Variants in AKR1C8 observed in about 807,000 individuals in gnomAD.
The protein encoded by AKR1C8 is aldo-keto reductase family 1 member C8, also known as aldo-keto reductase family 1 member C-like protein 1.
At chr10:5,135,216 T>G in the AKR1C8 span, 9 of 223,230 alleles carry the variant, frequency 4.0e-5, no homozygotes, top group South Asian at 1.7e-4. Context: ...ACACTGATAT[T>G]TGGGATCCAT....
At chr10:5,137,236 T>A in the AKR1C8 span, among the ~76,000 whole-genome samples, 1 of 152,042 alleles carries the variant, frequency 6.6e-6, no homozygotes, top group Non-Finnish European at 1.5e-5. Flanking sequence ...CCCAGCGTGA[T>A]TGATGCAGAA....
At chr10:5,157,602 G>T in the AKR1C8 span, 3 of 460,420 alleles carry the variant, frequency 6.5e-6, no homozygotes, top group African/African-American at 4.0e-5. Flanking sequence ...AGCACCCATG[G>T]CTCACTCTGG....
the AKR1C8 span, among the ~76,000 whole-genome samples, chr10:5,145,062 TGA>T: frequency 6.6e-6 from 1 of 151,990 alleles, no homozygotes; most frequent in East Asian, 1.9e-4. Flanking sequence ...CCTAATTTAT[TGA>T]GAGTTTTTAG....
chr10:5,154,305 G>T, the AKR1C8 span: 1 of 399,914 alleles, frequency 2.5e-6, no homozygotes. Context: ...TTGTACCTCG[G>T]CACACATGGT....
At chr10:5,169,589 GTTTTT>G in the AKR1C8 span, among the ~76,000 whole-genome samples, 1 of 145,986 alleles carries the variant, frequency 6.8e-6, no homozygotes, top group Non-Finnish European at 1.5e-5. Flanking sequence ...AAAGATCCAT[GTTTTT>G]TTTTTTATTG....
the AKR1C8 span, among the ~76,000 whole-genome samples, chr10:5,131,724 C>T: frequency 6.6e-6 from 1 of 150,512 alleles, no homozygotes; most frequent in Admixed American, 6.6e-5. Flanking sequence ...GAAAAGAGAA[C>T]ACTTTTACAT....
At chr10:5,136,347 A>T in the AKR1C8 span, among the ~76,000 whole-genome samples, 1 of 152,126 alleles carries the variant, frequency 6.6e-6, no homozygotes, top group African/African-American at 2.4e-5. Context: ...CCAGTGTTCA[A>T]GACCAGCCTG....
the AKR1C8 span, among the ~76,000 whole-genome samples, chr10:5,171,672 A>C: frequency 6.6e-6 from 1 of 152,060 alleles, no homozygotes; most frequent in African/African-American, 2.4e-5. Context: ...AATTTTTGTT[A>C]AAGAGCAGGT....
the AKR1C8 span, among the ~76,000 whole-genome samples, chr10:5,121,732 A>G: frequency 2.0e-5 from 3 of 152,222 alleles, no homozygotes; most frequent in African/African-American, 7.2e-5. Flanking sequence ...TCATTATTAC[A>G]TATTTGTTAT....
chr10:5,133,609 C>G, the AKR1C8 span, among the ~76,000 whole-genome samples: 1 of 152,146 alleles, frequency 6.6e-6, no homozygotes, highest in Non-Finnish European at 1.5e-5. Flanking sequence ...TACCTGGGTA[C>G]TGATTACATT....
chr10:5,133,762 T>G, the AKR1C8 span, among the ~76,000 whole-genome samples: 18 of 152,126 alleles, frequency 1.2e-4, no homozygotes, highest in African/African-American at 4.3e-4. Flanking sequence ...GCCTCCAACT[T>G]TGAAAACAGG....
the AKR1C8 span, among the ~76,000 whole-genome samples, chr10:5,140,217 A>C: frequency 6.6e-6 from 1 of 152,198 alleles, no homozygotes; most frequent in Non-Finnish European, 1.5e-5. Context: ...AACTAGTTCA[A>C]CCACTGTGGA....
chr10:5,129,310 T>C, the AKR1C8 span, among the ~76,000 whole-genome samples: 2 of 152,056 alleles, frequency 1.3e-5, no homozygotes, highest in Non-Finnish European at 2.9e-5. Flanking sequence ...ATTAAATGCC[T>C]ACATCTAAAA....
At chr10:5,173,927 T>C in the AKR1C8 span, among the ~76,000 whole-genome samples, 24 of 152,190 alleles carry the variant, frequency 1.6e-4, no homozygotes, top group East Asian at 4.4e-3. Context: ...AATACCTGCA[T>C]AAAAGGCCCT....
At chr10:5,173,761 A>G in the AKR1C8 span, among the ~76,000 whole-genome samples, 1 of 151,980 alleles carries the variant, frequency 6.6e-6, no homozygotes, top group African/African-American at 2.4e-5. Flanking sequence ...ATGAAAAATA[A>G]TTTTCTTAAA....
chr10:5,118,388 T>G, the AKR1C8 span, among the ~76,000 whole-genome samples: 3 of 59,094 alleles, frequency 5.1e-5, no homozygotes, highest in Admixed American at 4.1e-4. Context: ...CATTCCTTCC[T>G]TCTGGCTGTG....
chr10:5,136,393 C>T, the AKR1C8 span, among the ~76,000 whole-genome samples: 9,491 of 152,100 alleles, frequency 0.062, 350 homozygotes, highest in Middle Eastern at 0.082. Context: ...ACCAAAAATA[C>T]AAAAATTAGC....
chr10:5,122,720 C>T, the AKR1C8 span, among the ~76,000 whole-genome samples: 2 of 152,058 alleles, frequency 1.3e-5, no homozygotes, highest in African/African-American at 2.4e-5. Flanking sequence ...AACACAGCTG[C>T]AAATAGACAG....
the AKR1C8 span, among the ~76,000 whole-genome samples, chr10:5,140,088 C>T: frequency 2.6e-5 from 4 of 152,072 alleles, no homozygotes; most frequent in African/African-American, 9.7e-5. Flanking sequence ...AAATCAAAAC[C>T]ACAATGAGAT....
Sources: gnomAD v4.1 joint callset for allele counts (sites outside exome capture counted in the v4.1 genomes callset) on GRCh38, gnomAD v4.1.1 for gene constraint, MANE v1.5 for transcripts, NCBI Gene and HGNC (gene_info 2026-07-23, HGNC 2026-07-21) for gene names.